Variants in DSCAM observed in about 807,000 individuals in gnomAD.
DSCAM encodes cell adhesion molecule DSCAM.
A neutral mutation model predicts 217.7 loss-of-function variants in DSCAM; 47 were observed. That is an observed-to-expected ratio of 0.22 (90% CI 0.17 to 0.28). The LOEUF (loss-of-function observed/expected upper bound fraction) is 0.28, where lower values mean the gene tolerates loss of function less well. DSCAM is among the 10% of genes least tolerant of loss of function. DSCAM has a pLI of 1.00. For synonymous variants in DSCAM, 1,056 were observed against 1,015.3 expected (o/e 1.04, Z -0.76); for missense variants, 2,080 against 2,618.3 (o/e 0.79, Z 4.49).
At chr21:40,837,922 AT>A (rs1601330596) in intron 1 of DSCAM, among the ~76,000 whole-genome samples, 1 of 152,224 alleles carries the variant, frequency 6.6e-6, no homozygotes, top group African/African-American at 2.4e-5. Context: ...TACAGCCGAG[AT>A]TAAAAAATAA....
chr21:40,368,182 CCCCTTT>C (rs1281616054), intron 4 of DSCAM, among the ~76,000 whole-genome samples: 2 of 152,144 alleles, frequency 1.3e-5, no homozygotes, highest in Non-Finnish European at 2.9e-5. Flanking sequence ...TCGAATCCTT[CCCCTTT>C]CTTTTCTGAA....
rs1831690711 is a variant in DSCAM, at chr21:40,186,991, A to T, written c.2779+140T>A. 1.3e-5 allele frequency: 14 copies of T among 1,041,798 alleles called. No homozygotes were observed. The South Asian group carries it at 2.4e-4, about 18-fold the overall frequency. The allele number at this position is 1,041,798 out of a possible 1,614,324, so 64.5% of individuals were successfully genotyped here. A position where few individuals can be genotyped will look rare whatever the true frequency, so the allele number is the denominator to read the frequency against. ...CAGCAGAAAGCCAGGATGTGCTTCC[A>T]GCAAGGAGACTGGGGGAAGTGGTGC... is the stretch of plus-strand genomic sequence containing the variant. On this transcript the variant is annotated intron_variant, in intron 14 of 32. Transcript: ENST00000400454.
chr21:40,523,320 C>T (rs1022419904), intron 3 of DSCAM, among the ~76,000 whole-genome samples: 25 of 152,246 alleles, frequency 1.6e-4, no homozygotes, highest in African/African-American at 5.8e-4. Flanking sequence ...TGCCCCCATC[C>T]TGTGCCTATA....
intron 10 of DSCAM, among the ~76,000 whole-genome samples, chr21:40,288,453 A>G (rs2073853622): frequency 6.6e-6 from 1 of 152,164 alleles, no homozygotes; most frequent in African/African-American, 2.4e-5. Flanking sequence ...ACAAACAAAA[A>G]TCCATGCAGA....
intron 3 of DSCAM, among the ~76,000 whole-genome samples, chr21:40,687,139 A>G (rs9653728): frequency 0.42 from 63,927 of 151,976 alleles, 15,853 homozygotes; most frequent in African/African-American, 0.7. Context: ...ATACAAAGAC[A>G]GATAGCTAGG....
chr21:40,109,869 GA>G (rs947350771), intron 20 of DSCAM, among the ~76,000 whole-genome samples: 1 of 152,190 alleles, frequency 6.6e-6, no homozygotes, highest in African/African-American at 2.4e-5. Context: ...GAAGCTGGGG[GA>G]GGGGCGCCCA....
At chr21:40,427,432 A>G (rs571828561) in intron 3 of DSCAM, among the ~76,000 whole-genome samples, 20 of 152,354 alleles carry the variant, frequency 1.3e-4, no homozygotes, top group African/African-American at 4.8e-4. Context: ...ACCATGAACC[A>G]GAATTACCAA....
At chr21:40,687,737 G>A (rs768250165) in intron 3 of DSCAM, among the ~76,000 whole-genome samples, 4 of 152,098 alleles carry the variant, frequency 2.6e-5, no homozygotes, top group Non-Finnish European at 5.9e-5. Context: ...ACTTCCCCAG[G>A]CAAAACCGTG....
chr21:40,198,137 G>T lies in DSCAM; in HGVS notation c.2357-8899C>A, dbSNP rs552568402. ...CCCGCAAGCCTATTGCATATTTGTA[G>T]AATTAAGCAGACGAGACTGGCTACA... On this transcript the variant is annotated intron_variant, in intron 11 of 32. Coordinates refer to ENST00000400454, the MANE Select transcript of DSCAM (RefSeq NM_001389.5). Among the ~76,000 whole-genome samples, 262 of 152,268 alleles carry T rather than the reference G, an allele frequency of 1.7e-3. 1 individual carries two copies. The highest frequency in any genetic ancestry group is 6.1e-3 in the African/African-American group (254 of 41,552).
chr21:40,093,987 A>T, intron 20 of DSCAM, 113 bp from the exon 21 acceptor site: 1 of 1,105,650 alleles, frequency 9.0e-7, no homozygotes, highest in Non-Finnish European at 1.3e-6. Context: ...AACTCAACTC[A>T]CTCTCCTCTA....
intron 19 of DSCAM, 140 bp from the exon 20 acceptor site, chr21:40,124,468 A>G: frequency 9.4e-7 from 1 of 1,061,822 alleles, no homozygotes; most frequent in Non-Finnish European, 1.4e-6. Context: ...TGTCCCCCCA[A>G]ATGCATATGT....
chr21:40,282,314 G>A (rs1361599059), intron 10 of DSCAM, among the ~76,000 whole-genome samples: 2 of 152,020 alleles, frequency 1.3e-5, no homozygotes, highest in Admixed American at 6.5e-5. Context: ...TAGGCCGGGC[G>A]CGGTGGCTCA....
intron 1 of DSCAM, among the ~76,000 whole-genome samples, chr21:40,781,347 G>A (rs2091542692): frequency 6.6e-6 from 1 of 152,038 alleles, no homozygotes. Flanking sequence ...ATTTTATCAT[G>A]TGTTTACTTT....
intron 11 of DSCAM, among the ~76,000 whole-genome samples, chr21:40,195,756 C>T (rs191196666): frequency 4.6e-5 from 7 of 152,218 alleles, no homozygotes; most frequent in Non-Finnish European, 7.4e-5. Context: ...ACAGGGTTCC[C>T]GGGTGGGAGG....
chr21:40,095,223 G>T (rs1008765717), intron 20 of DSCAM, among the ~76,000 whole-genome samples: 1 of 152,178 alleles, frequency 6.6e-6, no homozygotes, highest in African/African-American at 2.4e-5. Flanking sequence ...GAGGAGAACA[G>T]TACAGAGGAA....
intron 9 of DSCAM, among the ~76,000 whole-genome samples, chr21:40,309,264 G>T (rs2074112806): frequency 6.6e-6 from 1 of 152,152 alleles, no homozygotes; most frequent in Non-Finnish European, 1.5e-5. Flanking sequence ...AGCCCTCGCT[G>T]CAATGACACC....
At chr21:40,336,187 T>G (rs1050185799) in intron 8 of DSCAM, among the ~76,000 whole-genome samples, 1 of 152,178 alleles carries the variant, frequency 6.6e-6, no homozygotes, top group Non-Finnish European at 1.5e-5. Context: ...AGTTGCAAAT[T>G]CGACCAGCTG....
intron 3 of DSCAM, among the ~76,000 whole-genome samples, chr21:40,603,925 C>CTTTT (rs3070814): frequency 7.5e-4 from 73 of 97,246 alleles, no homozygotes; most frequent in African/African-American, 2.2e-3. Context: ...TTTTGCATTT[C>CTTTT]TTTTTTTTTT....
intron 11 of DSCAM, among the ~76,000 whole-genome samples, chr21:40,217,183 T>G (rs1337543823): frequency 6.6e-6 from 1 of 152,208 alleles, no homozygotes; most frequent in Non-Finnish European, 1.5e-5. Flanking sequence ...TGTATTACAT[T>G]TCTTGATTAT....
Sources: gnomAD v4.1 joint callset for allele counts (sites outside exome capture counted in the v4.1 genomes callset) on GRCh38, gnomAD v4.1.1 for gene constraint, MANE v1.5 for transcripts, NCBI Gene and HGNC (gene_info 2026-07-23, HGNC 2026-07-21) for gene names.